The following DOCK4 variants were observed in gnomAD, a reference collection of about 807,000 sequenced individuals.
DOCK4 encodes the protein dedicator of cytokinesis protein 4.
In DOCK4, 97 loss-of-function variants were observed where a neutral mutation model predicts 268.1. The ratio of observed to expected loss-of-function variants is 0.36; its 90% CI spans 0.31 to 0.43. The LOEUF is 0.43. DOCK4 is among the 20% of genes least tolerant of loss of function. The probability of loss-of-function intolerance (pLI) is 1.00; values close to 1 mark genes in which losing one functional copy is unlikely to be tolerated. For synonymous variants in DOCK4, 954 were observed against 887.2 expected, an observed-to-expected ratio of 1.08 and a Z score of -1.34; for missense variants, 2,145 against 2,455.7, an observed-to-expected ratio of 0.87 and a Z score of 2.67.
chr7:111,900,565 A>G, intron 14 of DOCK4, 29 bp from the exon 15 acceptor site: 1 of 1,593,370 alleles, frequency 6.3e-7, no homozygotes. Context: ...CACAGGTTAA[A>G]GAGAGCTTCA....
chr7:112,166,872 C>T (rs1817656709), intron 1 of DOCK4, among the ~76,000 whole-genome samples: 2 of 151,816 alleles, frequency 1.3e-5, no homozygotes, highest in Non-Finnish European at 2.9e-5. Context: ...CGCCATGTTG[C>T]CCAGGATGGA....
intron 28 of DOCK4, among the ~76,000 whole-genome samples, chr7:111,809,726 G>A (rs572650645): frequency 8.1e-4 from 124 of 152,170 alleles, no homozygotes; most frequent in Non-Finnish European, 1.6e-3. Context: ...AGACAGATGC[G>A]TGGTTTCTCT....
rs140967776 is a variant in DOCK4 at position 112,134,246 on chromosome 7, G to A, written c.37+71856C>T. ...GCAACACTCTTCCTCCCTGAGGCTC[G>A]GAAAGCCAGCAGTGACACCAACAGC... On this transcript the variant is annotated intron_variant, in intron 1 of 52. Transcript: ENST00000428084. Among the ~76,000 whole-genome samples, 126 of 152,216 alleles carry A rather than the reference G, an allele frequency of 8.3e-4. 1 individual carries two copies. The highest frequency in any genetic ancestry group is 2.9e-3 in the African/African-American group (119 of 41,520).
At chr7:111,893,175 G>A (rs1808431262) in intron 16 of DOCK4, among the ~76,000 whole-genome samples, 1 of 152,184 alleles carries the variant, frequency 6.6e-6, no homozygotes, top group South Asian at 2.1e-4. Flanking sequence ...CAGGCACCTG[G>A]ACAGGACTCT....
At chr7:111,748,287 G>T (rs965424245) in intron 42 of DOCK4, among the ~76,000 whole-genome samples, 2 of 152,056 alleles carry the variant, frequency 1.3e-5, no homozygotes, top group Non-Finnish European at 2.9e-5. Context: ...AAAAATCCTA[G>T]AATATGAAGA....
chr7:112,052,915 T>C (rs1805487874), intron 1 of DOCK4, among the ~76,000 whole-genome samples: 1 of 152,224 alleles, frequency 6.6e-6, no homozygotes, highest in Non-Finnish European at 1.5e-5. Flanking sequence ...TTCAAAGCAA[T>C]TGACAGAACA....
chr7:111,898,256 C>A (rs1790827724), intron 15 of DOCK4, among the ~76,000 whole-genome samples: 1 of 152,210 alleles, frequency 6.6e-6, no homozygotes. Context: ...AACCTCAAGC[C>A]TTTTGTACTG....
At chr7:111,801,624 C>A (rs939198393) in intron 30 of DOCK4, 1 of 150,476 alleles carries the variant, frequency 6.6e-6, no homozygotes, top group African/African-American at 2.4e-5. Flanking sequence ...CAAAGGACTG[C>A]TTAGTTTTCC....
intron 42 of DOCK4, among the ~76,000 whole-genome samples, chr7:111,754,218 C>A (rs559657897): frequency 6.6e-6 from 1 of 152,338 alleles, no homozygotes; most frequent in South Asian, 2.1e-4. Context: ...ATGTAAGCAG[C>A]CAGCTTTTGG....
intron 17 of DOCK4, 30 bp from the exon 18 acceptor site, chr7:111,872,594 CCT>C: frequency 6.5e-7 from 1 of 1,531,634 alleles, no homozygotes; most frequent in Non-Finnish European, 8.8e-7. Context: ...AGATTAATTG[CCT>C]TAATAGAGAA....
intron 8 of DOCK4, among the ~76,000 whole-genome samples, chr7:111,976,272 T>TATATAC (rs1209433642): frequency 0.03 from 57 of 1,916 alleles, 2 homozygotes; most frequent in Non-Finnish European, 0.11. Flanking sequence ...GTGTCTATTA[T>TATATAC]ATATATATAT....
chr7:111,761,643 A>C (rs147278964), intron 39 of DOCK4, among the ~76,000 whole-genome samples: 1 of 152,268 alleles, frequency 6.6e-6, no homozygotes, highest in East Asian at 1.9e-4. Context: ...ACTCCAGGCC[A>C]CAGAGAGGGA....
chr7:111,863,373 T>C lies in DOCK4; in HGVS notation c.2472A>G (p.Pro824=), dbSNP rs759787013. Residue 824 remains proline, a splice_region_variant and synonymous_variant, in exon 23 of 53, where the codon CCA becomes CCG. Transcript: ENST00000428084. Reference sequence around the variant, plus strand: ...TTTCCTCCAAGAGACTCACCCTACCTGGGTTGGTATAAAGCTGGCTTTCCA... The same window carrying C: ...TTTCCTCCAAGAGACTCACCCTACCCGGGTTGGTATAAAGCTGGCTTTCCA... ...KTVESQLYTN[P]DSRYILLPVV... 1 of 1,614,002 alleles carries C rather than the reference T, an allele frequency of 6.2e-7. No individual in the cohort carries two copies. Among genetic ancestry groups the C allele is most frequent in the South Asian group, 1.1e-5 (1 of 91,080 alleles).
At chr7:111,730,913 T>TA (rs1795041189) in intron 52 of DOCK4, among the ~76,000 whole-genome samples, 1 of 152,230 alleles carries the variant, frequency 6.6e-6, no homozygotes, top group Non-Finnish European at 1.5e-5. Context: ...GGGTTCTTTT[T>TA]AATGTTTAAG....
Position 111,785,452 on chromosome 7 carries a change from A to C in DOCK4, c.3402-1329T>G, listed in dbSNP as rs187611891. 3.0e-3 allele frequency among the ~76,000 whole-genome samples: 458 copies of C among 152,268 alleles called. 1 individual carries two copies. The highest frequency in any genetic ancestry group is 8.9e-3 in the Admixed American group (136 of 15,282). On this transcript the variant is annotated intron_variant, in intron 32 of 52. Coordinates refer to ENST00000428084, the MANE Select transcript of DOCK4 (RefSeq NM_001363540.2). ...GTAATAATTCTAAAAATACATGGAG[A>C]CTTCTTTTATGGGCATAAGTTTCAT...
chr7:112,088,973 G>A (rs1809370950), intron 1 of DOCK4, among the ~76,000 whole-genome samples: 1 of 152,026 alleles, frequency 6.6e-6, no homozygotes. Flanking sequence ...GTTTTTATAT[G>A]TTGTCAACGT....
At position 112,031,938 on chromosome 7, in the gene DOCK4, A is replaced by G. The variant is rs371411408; in HGVS notation, c.38-27807T>C. 3.2e-4 allele frequency among the ~76,000 whole-genome samples: 49 copies of G among 152,326 alleles called. 1 individual carries two copies. Among genetic ancestry groups the G allele is most frequent in the East Asian group, 2.1e-3 (11 of 5,184 alleles). On this transcript the variant is annotated intron_variant, in intron 1 of 52. Transcript: ENST00000428084. ...GGTATTGCTTCCTGGAAATCAAAAC[A>G]AAAAGCATGTCTACCAAAAAAGAAG...
At chr7:111,746,440 G>C in intron 43 of DOCK4, 23 bp from the exon 44 acceptor site, 10 of 1,522,040 alleles carry the variant, frequency 6.6e-6, no homozygotes, top group Non-Finnish European at 8.9e-6. Flanking sequence ...AGGAGAATCA[G>C]TCTACTTTAG....
At chr7:112,188,796 T>C (rs1819674536) in intron 1 of DOCK4, among the ~76,000 whole-genome samples, 1 of 152,250 alleles carries the variant, frequency 6.6e-6, no homozygotes, top group African/African-American at 2.4e-5. Context: ...GGTGTTGTTG[T>C]TGTTCAAATA....
Sources: gnomAD v4.1 joint callset for allele counts (sites outside exome capture counted in the v4.1 genomes callset) on GRCh38, gnomAD v4.1.1 for gene constraint, MANE v1.5 for transcripts, NCBI Gene and HGNC (gene_info 2026-07-23, HGNC 2026-07-21) for gene names.